Variants in NAT10 observed in about 807,000 individuals in gnomAD.
NAT10 encodes N-acetyltransferase 10.
In NAT10, 109 loss-of-function variants were observed where a neutral mutation model predicts 132.2. That is an observed-to-expected ratio of 0.82 (90% CI 0.71 to 0.97). The LOEUF (loss-of-function observed/expected upper bound fraction) is 0.97. NAT10 is among the 50% of genes least tolerant of loss of function. The pLI is 0.00. For missense variants in NAT10, 1,184 were observed against 1,263.4 expected, an observed-to-expected ratio of 0.94 and a Z score of 0.95; for synonymous variants, 479 against 478.0, an observed-to-expected ratio of 1.00 and a Z score of -0.03.
intron 14 of NAT10, among the ~76,000 whole-genome samples, chr11:34,131,792 T>C: frequency 6.6e-6 from 1 of 151,704 alleles, no homozygotes; most frequent in Non-Finnish European, 1.5e-5. Context: ...TTCAAGTGAT[T>C]CTCCTGCCTC....
At chr11:34,107,031 C>CTTTTTTTT (rs71037398) in intron 1 of NAT10, 1 of 127,538 alleles carries the variant, frequency 7.8e-6, no homozygotes. Flanking sequence ...AATCACAGAA[C>CTTTTTTTT]TTTTTTTTTT....
At position 34,134,390 on chromosome 11, in the gene NAT10, G is replaced by T; in HGVS notation, c.1806G>T (p.Gly602=). Residue 602 remains glycine (G), a synonymous_variant, in exon 17 of 29, where the codon GGG becomes GGT. Transcript: ENST00000257829. ...TGTCTCGAGGCAAGAAGGCTTCAGG[G>T]GACCTGATTCCATGGACAGTGTCAG... The part of the protein sequence containing the change: ...NSLSRGKKAS[G]DLIPWTVSEQ... 1 of 1,614,214 alleles carries T rather than the reference G, an allele frequency of 6.2e-7. No individual in the cohort carries two copies. The highest frequency in any genetic ancestry group is 8.5e-7 in the Non-Finnish European group (1 of 1,180,034).
intron 4 of NAT10, among the ~76,000 whole-genome samples, chr11:34,112,446 G>A (rs1453181212): frequency 6.6e-6 from 1 of 152,234 alleles, no homozygotes; most frequent in Non-Finnish European, 1.5e-5. Flanking sequence ...AGAGACACCA[G>A]AACTGAAGTG....
chr11:34,122,734 T>C (rs952586970), intron 9 of NAT10, 142 bp downstream of exon 9: 3 of 1,164,960 alleles, frequency 2.6e-6, no homozygotes, highest in African/African-American at 1.5e-5. Context: ...TAGGTCTTGA[T>C]TTCCTGCCAG....
chr11:34,139,920 TG>T, intron 23 of NAT10, among the ~76,000 whole-genome samples: 1 of 152,052 alleles, frequency 6.6e-6, no homozygotes, highest in South Asian at 2.1e-4. Flanking sequence ...ACAAAAAATG[TG>T]TAAGAGATTA....
chr11:34,113,581 G>A (rs1851733603), intron 4 of NAT10, 135 bp from the exon 5 acceptor site: 1 of 1,118,892 alleles, frequency 8.9e-7, no homozygotes. Flanking sequence ...GGTGGGTGGT[G>A]AGCCAAGATT....
chr11:34,140,075 G>A lies in NAT10; in HGVS notation c.2420-325G>A, dbSNP rs191670371. On this transcript the variant is annotated intron_variant, in intron 23 of 28. Transcript: ENST00000257829. Reference sequence around the variant, plus strand: ...TGGGCAGAGCTTACACACTTTCTGTGACACCAAATGAAGTGACAAAGCAGG... The same window carrying A: ...TGGGCAGAGCTTACACACTTTCTGTAACACCAAATGAAGTGACAAAGCAGG... 9.8e-5 allele frequency among the ~76,000 whole-genome samples: 15 copies of A among 152,360 alleles called. 1 individual carries two copies. The highest frequency in any genetic ancestry group is 9.1e-4 in the Admixed American group (14 of 15,314).
At chr11:34,135,830 G>A (rs1284128498) in intron 19 of NAT10, among the ~76,000 whole-genome samples, 2 of 151,828 alleles carry the variant, frequency 1.3e-5, no homozygotes, top group Non-Finnish European at 1.5e-5. Context: ...GAGCATGGTG[G>A]TGCACGCCTG....
At chr11:34,120,007 T>G (rs1018291595) in intron 8 of NAT10, among the ~76,000 whole-genome samples, 1 of 152,228 alleles carries the variant, frequency 6.6e-6, no homozygotes, top group African/African-American at 2.4e-5. Flanking sequence ...AGTAAACTTG[T>G]AAGTCTTTAC....
At chr11:34,115,680 C>A in intron 5 of NAT10, 143 bp from the exon 6 acceptor site, 2 of 639,000 alleles carry the variant, frequency 3.1e-6, no homozygotes, top group Non-Finnish European at 5.2e-6. Flanking sequence ...CAGCAAATAC[C>A]ATTTGGCACA....
chr11:34,127,399 G>A (rs913218967), intron 11 of NAT10, 64 bp from the exon 12 acceptor site: 30 of 1,452,608 alleles, frequency 2.1e-5, no homozygotes, highest in African/African-American at 8.5e-5. Context: ...ATGATGAGTC[G>A]CCAGTAATCA....
intron 18 of NAT10, 28 bp from the exon 19 acceptor site, chr11:34,135,147 G>C (rs1336663593): frequency 6.3e-7 from 1 of 1,577,150 alleles, no homozygotes; most frequent in African/African-American, 1.3e-5. Flanking sequence ...TCTTCCCTCG[G>C]CCTCTTCCCC....
chr11:34,122,845 CA>C (rs1203382011), intron 9 of NAT10, among the ~76,000 whole-genome samples: 1 of 152,220 alleles, frequency 6.6e-6, no homozygotes, highest in African/African-American at 2.4e-5. Flanking sequence ...TCACTATTTA[CA>C]GTTGAACAAA....
intron 4 of NAT10, among the ~76,000 whole-genome samples, chr11:34,112,596 C>T (rs1361324800): frequency 6.6e-6 from 1 of 152,174 alleles, no homozygotes; most frequent in East Asian, 1.9e-4. Flanking sequence ...ACTTGTTTTC[C>T]AACCGGATAT....
rs1259189800 is a variant in NAT10 at position 34,124,525 on chromosome 11, G to A, written c.1107+125G>A. 134 of 618,592 alleles carry A rather than the reference G, an allele frequency of 2.2e-4. 1 individual carries two copies. In the East Asian group the frequency reaches 3.9e-3, roughly 18 times the overall value. The allele number at this position is 618,592 out of a possible 1,614,324, so 38.3% of individuals were successfully genotyped here. ...ATTGCATGTCTTTTAGACAATGGTGGTGTTGTATGCTAAACCTGTTCCAGA... is the reference window on the plus strand; with the variant it reads ...ATTGCATGTCTTTTAGACAATGGTGATGTTGTATGCTAAACCTGTTCCAGA... On this transcript the variant is annotated intron_variant, in intron 11 of 28. Transcript: ENST00000257829.
At chr11:34,140,378 T>C in intron 23 of NAT10, 22 bp from the exon 24 acceptor site, 1 of 1,606,038 alleles carries the variant, frequency 6.2e-7, no homozygotes, top group Non-Finnish European at 8.5e-7. Context: ...CTAACCTGTC[T>C]AGCTCTCTAT....
At chr11:34,106,785 A>G (rs1259827650) in intron 1 of NAT10, among the ~76,000 whole-genome samples, 2 of 152,172 alleles carry the variant, frequency 1.3e-5, no homozygotes, top group African/African-American at 4.8e-5. Flanking sequence ...CTTGACAGTG[A>G]CTTAGTGTTT....
chr11:34,122,378 C>T, intron 8 of NAT10, 81 bp from the exon 9 acceptor site: 2 of 1,577,666 alleles, frequency 1.3e-6, no homozygotes, highest in Non-Finnish European at 8.7e-7. Flanking sequence ...GCATCAACCT[C>T]ACTTCTCCAC....
chr11:34,143,541 G>T lies in NAT10; in HGVS notation c.2969+13G>T. On this transcript the variant is annotated intron_variant, in intron 28 of 28. Coordinates refer to ENST00000257829, the MANE Select transcript of NAT10 (RefSeq NM_024662.3). ...TCAGCCTGAAAAGGTGAGGGCCCAG[G>T]GTCTGATGTGCATCTGGCGGAAGAG... 6.2e-7 allele frequency: 1 copy of T among 1,611,754 alleles called. No individual in the cohort carries two copies. The highest frequency in any genetic ancestry group is 8.5e-7 in the Non-Finnish European group (1 of 1,178,920).
Sources: gnomAD v4.1 joint callset for allele counts (sites outside exome capture counted in the v4.1 genomes callset) on GRCh38, gnomAD v4.1.1 for gene constraint, MANE v1.5 for transcripts, NCBI Gene and HGNC (gene_info 2026-07-23, HGNC 2026-07-21) for gene names.